Variants in COP1 observed in about 807,000 individuals in gnomAD.
COP1 encodes the protein COP1 E3 ubiquitin ligase.
A neutral mutation model predicts 101.3 loss-of-function variants in COP1; 24 were observed. That is an observed-to-expected ratio of 0.24 (90% CI 0.17 to 0.33). The LOEUF (loss-of-function observed/expected upper bound fraction) is 0.33. Ranked by LOEUF, COP1 falls within the 10% of genes least tolerant of loss-of-function variation. The probability of loss-of-function intolerance (pLI) is 1.00; values close to 1 mark genes in which losing one functional copy is unlikely to be tolerated. For synonymous variants in COP1, 347 were observed against 341.9 expected (o/e 1.01, Z -0.17); for missense variants, 663 against 906.2 (o/e 0.73, Z 3.45).
chr1:176,136,897 A>T (rs1041541785), intron 6 of COP1, among the ~76,000 whole-genome samples: 5 of 152,004 alleles, frequency 3.3e-5, no homozygotes, highest in Admixed American at 1.3e-4. Flanking sequence ...AAAATTCAGC[A>T]TGTCAGTTGT....
chr1:176,040,733 AG>A (rs1670384504), intron 14 of COP1, among the ~76,000 whole-genome samples: 2 of 152,236 alleles, frequency 1.3e-5, no homozygotes, highest in African/African-American at 4.8e-5. Context: ...CCCTTTTTAC[AG>A]AATAGACTGT....
intron 15 of COP1, among the ~76,000 whole-genome samples, chr1:176,009,960 A>C (rs1664340376): frequency 6.6e-6 from 1 of 151,954 alleles, no homozygotes; most frequent in Non-Finnish European, 1.5e-5. Flanking sequence ...CCATAACTGA[A>C]AAAGTATGCT....
Position 176,081,412 on chromosome 1 carries a change from A to G in COP1, c.1142-125T>C, listed in dbSNP as rs1030643337. ...AAAAACAATTTTTAAAGATTTTACTAAAGACTAGTTTACACAATTTAATTG... is the reference window on the plus strand; with the variant it reads ...AAAAACAATTTTTAAAGATTTTACTGAAGACTAGTTTACACAATTTAATTG... On this transcript the variant is annotated intron_variant, in intron 10 of 19. Transcript: ENST00000367669. The G allele has an allele frequency of 4.1e-5, 29 of 701,996 alleles. No homozygotes were observed. In the African/African-American group the frequency reaches 4.9e-4, roughly 12 times the overall value. The allele number at this position is 701,996 out of a possible 1,614,324, so 43.5% of individuals were successfully genotyped here. A position where few individuals can be genotyped will look rare whatever the true frequency, so the allele number is the denominator to read the frequency against.
chr1:175,996,434 A>C (rs771687296), intron 15 of COP1, among the ~76,000 whole-genome samples: 5,095 of 150,280 alleles, frequency 0.034, 116 homozygotes, highest in Non-Finnish European at 0.048. Context: ...AGGGTATTCA[A>C]TTAGGAAAAG....
At chr1:176,017,330 C>T (rs1379718367) in intron 15 of COP1, 2 of 152,146 alleles carry the variant, frequency 1.3e-5, no homozygotes, top group South Asian at 2.1e-4. Context: ...TTTCTTTAGG[C>T]TTCTCAGATG....
intron 14 of COP1, among the ~76,000 whole-genome samples, chr1:176,033,412 A>G (rs1317288242): frequency 6.6e-6 from 1 of 152,042 alleles, no homozygotes; most frequent in Non-Finnish European, 1.5e-5. Flanking sequence ...GGGCAACAAG[A>G]GCAAAACTCT....
intron 1 of COP1, among the ~76,000 whole-genome samples, chr1:176,200,399 T>C (rs1476259978): frequency 1.3e-5 from 2 of 152,164 alleles, no homozygotes; most frequent in Non-Finnish European, 2.9e-5. Context: ...ATTATCTCTA[T>C]TTAGAGCCAA....
chr1:176,098,768 A>C (rs761986493), intron 9 of COP1, among the ~76,000 whole-genome samples: 1 of 152,236 alleles, frequency 6.6e-6, no homozygotes, highest in Non-Finnish European at 1.5e-5. Flanking sequence ...CTATTTCATA[A>C]CATCAAGTGT....
chr1:176,050,780 T>G (rs1205897808), intron 11 of COP1, among the ~76,000 whole-genome samples: 1 of 152,194 alleles, frequency 6.6e-6, no homozygotes, highest in Non-Finnish European at 1.5e-5. Context: ...TTATACAAGC[T>G]TCAAATCTCC....
At chr1:176,099,537 CT>C (rs1683012190) in intron 9 of COP1, among the ~76,000 whole-genome samples, 1 of 149,758 alleles carries the variant, frequency 6.7e-6, no homozygotes, top group African/African-American at 2.5e-5. Flanking sequence ...CTCTCTCTCT[CT>C]CTCCCTGGCT....
intron 18 of COP1, among the ~76,000 whole-genome samples, chr1:175,969,903 G>C (rs1408896246): frequency 6.6e-6 from 1 of 152,126 alleles, no homozygotes; most frequent in Non-Finnish European, 1.5e-5. Context: ...TATTAGTACT[G>C]TCAGTATCAC....
At chr1:176,037,302 G>T (rs1433866409) in intron 14 of COP1, among the ~76,000 whole-genome samples, 1 of 151,828 alleles carries the variant, frequency 6.6e-6, no homozygotes, top group Non-Finnish European at 1.5e-5. Flanking sequence ...AGCTACTCGG[G>T]ATGCTGAGGC....
intron 14 of COP1, among the ~76,000 whole-genome samples, chr1:176,042,978 A>T (rs1200990816): frequency 6.6e-6 from 1 of 151,758 alleles, no homozygotes; most frequent in Non-Finnish European, 1.5e-5. Context: ...GCACTGAGCC[A>T]CAATTGTGCC....
At chr1:176,015,595 G>C (rs963047405) in intron 15 of COP1, among the ~76,000 whole-genome samples, 4 of 152,152 alleles carry the variant, frequency 2.6e-5, no homozygotes, top group Non-Finnish European at 5.9e-5. Flanking sequence ...GGAAAAAAAA[G>C]TTTTAAAATG....
intron 9 of COP1, 45 bp from the exon 10 acceptor site, chr1:176,085,935 C>A: frequency 9.3e-7 from 1 of 1,070,258 alleles, no homozygotes. Flanking sequence ...AAACAATACT[C>A]TTCTTTTGCA....
intron 15 of COP1, among the ~76,000 whole-genome samples, chr1:176,011,614 C>T (rs189557992): frequency 6.6e-6 from 1 of 152,246 alleles, no homozygotes; most frequent in Admixed American, 6.5e-5. Context: ...TGTCCAATTA[C>T]TCAAAATGTG....
chr1:175,996,219 A>G (rs1203572002), intron 15 of COP1, among the ~76,000 whole-genome samples: 1 of 152,224 alleles, frequency 6.6e-6, no homozygotes, highest in Non-Finnish European at 1.5e-5. Context: ...AAAAACTCTC[A>G]ATAAATTAGG....
chr1:176,011,391 G>A (rs1170376466), intron 15 of COP1, among the ~76,000 whole-genome samples: 1 of 152,142 alleles, frequency 6.6e-6, no homozygotes, highest in East Asian at 1.9e-4. Flanking sequence ...GTAGTAAGTA[G>A]AAATTCCATT....
chr1:176,055,368 G>A (rs928226958), intron 11 of COP1, among the ~76,000 whole-genome samples: 3 of 152,196 alleles, frequency 2.0e-5, no homozygotes, highest in Non-Finnish European at 4.4e-5. Context: ...CCGGGAAGAG[G>A]AGGTTGCAGT....
Sources: allele counts gnomAD v4.1 joint callset (sites outside exome capture counted in the v4.1 genomes callset), GRCh38; gene constraint gnomAD v4.1.1; transcripts MANE v1.5; gene names NCBI Gene and HGNC (gene_info 2026-07-23, HGNC 2026-07-21).